Variants in PTPRG observed in about 807,000 individuals in gnomAD.
The protein encoded by PTPRG is protein tyrosine phosphatase receptor type G, also known as receptor-type tyrosine-protein phosphatase gamma.
PTPRG carries 102 observed loss-of-function variants against 165.3 expected under a neutral mutation model. The ratio of observed to expected loss-of-function variants is 0.62; its 90% CI spans 0.53 to 0.73. The LOEUF (loss-of-function observed/expected upper bound fraction) is 0.73, where lower values mean the gene tolerates loss of function less well. PTPRG is among the 30% of genes least tolerant of loss of function. The pLI, the probability that PTPRG is intolerant of heterozygous loss-of-function variation, is 0.00. For synonymous variants in PTPRG, 675 were observed against 669.5 expected (o/e 1.01, Z -0.13); for missense variants, 1,866 against 1,861.4 (o/e 1.00, Z -0.05).
intron 1 of PTPRG, 21 bp from the exon 2 acceptor site, chr3:61,748,857 G>C: frequency 6.2e-7 from 1 of 1,604,154 alleles, no homozygotes; most frequent in Non-Finnish European, 8.5e-7. Flanking sequence ...TTGTCTCATT[G>C]TGGGTTTTCC....
At chr3:62,012,071 T>C (rs965883671) in intron 4 of PTPRG, among the ~76,000 whole-genome samples, 7 of 152,214 alleles carry the variant, frequency 4.6e-5, no homozygotes, top group African/African-American at 1.7e-4. Flanking sequence ...AAGTCACTGA[T>C]ACTGGTGTTG....
chr3:62,047,912 T>TAA (rs1318830376), intron 4 of PTPRG, among the ~76,000 whole-genome samples: 2 of 152,172 alleles, frequency 1.3e-5, no homozygotes, highest in African/African-American at 2.4e-5. Context: ...CCAGCACAGT[T>TAA]ATTTAGCTCC....
At chr3:62,113,938 C>G (rs1461208660) in intron 5 of PTPRG, among the ~76,000 whole-genome samples, 1 of 152,142 alleles carries the variant, frequency 6.6e-6, no homozygotes. Context: ...ATAAAAAATA[C>G]TGATATGTTG....
At position 62,209,126 on chromosome 3, in the gene PTPRG, C is replaced by CT. The variant is rs1700299173; in HGVS notation, c.2155+5177dup. ...TTTAATGTGTGCTTTTAAAAAGAGA[C>CT]TAACTTTCCATTGGTGACAGTGGTT... is the stretch of plus-strand genomic sequence containing the variant. On this transcript the variant is annotated intron_variant, in intron 12 of 29. Transcript: ENST00000474889. 5.3e-5 allele frequency among the ~76,000 whole-genome samples: 8 copies of CT among 152,334 alleles called. 1 individual carries two copies. In the South Asian group the frequency reaches 1.7e-3, roughly 32 times the overall value.
intron 7 of PTPRG, among the ~76,000 whole-genome samples, chr3:62,162,239 G>GA (rs1314897127): frequency 6.6e-6 from 1 of 152,058 alleles, no homozygotes; most frequent in Non-Finnish European, 1.5e-5. Context: ...AAACTAAGTT[G>GA]AAATGATTTA....
intron 4 of PTPRG, among the ~76,000 whole-genome samples, chr3:62,042,903 G>A (rs2107805722): frequency 6.6e-6 from 1 of 152,286 alleles, no homozygotes; most frequent in Non-Finnish European, 1.5e-5. Context: ...GCACAGGATA[G>A]GAATTAGGGT....
At chr3:61,924,283 C>T (rs2039152627) in intron 2 of PTPRG, among the ~76,000 whole-genome samples, 1 of 152,172 alleles carries the variant, frequency 6.6e-6, no homozygotes, top group Admixed American at 6.5e-5. Context: ...GGGTCAGCTG[C>T]TTCTGGATAT....
intron 2 of PTPRG, among the ~76,000 whole-genome samples, chr3:61,945,127 G>C (rs757790330): frequency 1.1e-4 from 17 of 152,200 alleles, no homozygotes; most frequent in Admixed American, 3.9e-4. Context: ...CCATTGCACA[G>C]AATATCAGTA....
In PTPRG at chr3:62,192,393, C is replaced by CTTTTTT. The variant is rs71123255; in HGVS notation, c.1218+768_1218+773dup. 2.7e-3 allele frequency among the ~76,000 whole-genome samples: 143 copies of CTTTTTT among 52,644 alleles called. 14 individuals carry two copies. Among genetic ancestry groups the CTTTTTT allele is most frequent in the East Asian group, 5.5e-3 (7 of 1,268 alleles). The allele number at this position is 52,644 out of a possible 152,430, so 34.5% of individuals were successfully genotyped here. ...ATAAAGCAAACTCCACAACTACTGTCTTTTTTTTTTTTTTTTTTTTTTTTT... is the reference window on the plus strand; with the variant it reads ...ATAAAGCAAACTCCACAACTACTGTCTTTTTTTTTTTTTTTTTTTTTTTTTTTTTTT... On this transcript the variant is annotated intron_variant, in intron 9 of 29. Coordinates refer to ENST00000474889, the MANE Select transcript of PTPRG (RefSeq NM_002841.4).
intron 5 of PTPRG, among the ~76,000 whole-genome samples, chr3:62,080,900 T>C (rs1486230078): frequency 1.3e-5 from 2 of 152,106 alleles, no homozygotes; most frequent in Non-Finnish European, 2.9e-5. Context: ...ATTTGTTAGG[T>C]CCTTTTCTAA....
At chr3:62,285,549 C>G (rs924487193) in intron 28 of PTPRG, among the ~76,000 whole-genome samples, 3 of 148,164 alleles carry the variant, frequency 2.0e-5, no homozygotes, top group Non-Finnish European at 4.4e-5. Flanking sequence ...TCAGGTGTGT[C>G]CCAGGTGGAT....
intron 4 of PTPRG, among the ~76,000 whole-genome samples, chr3:62,063,579 CTAAA>C (rs1160597193): frequency 2.0e-5 from 3 of 152,130 alleles, no homozygotes; most frequent in African/African-American, 4.8e-5. Flanking sequence ...AATTATTAGT[CTAAA>C]TAAATACACT....
At chr3:62,023,591 C>A (rs577971867) in intron 4 of PTPRG, among the ~76,000 whole-genome samples, 1 of 152,164 alleles carries the variant, frequency 6.6e-6, no homozygotes, top group Non-Finnish European at 1.5e-5. Context: ...TTGTTTACTC[C>A]TAGACAAACA....
At chr3:61,613,468 G>A (rs1701229610) in intron 1 of PTPRG, among the ~76,000 whole-genome samples, 1 of 152,216 alleles carries the variant, frequency 6.6e-6, no homozygotes, top group Non-Finnish European at 1.5e-5. Context: ...GGGAATTTGT[G>A]TGTTTCTTAG....
At chr3:61,837,802 G>C (rs981247882) in intron 2 of PTPRG, among the ~76,000 whole-genome samples, 1 of 152,186 alleles carries the variant, frequency 6.6e-6, no homozygotes, top group Non-Finnish European at 1.5e-5. Flanking sequence ...ACAGAAATTT[G>C]CTTTCTTACA....
chr3:62,282,276 C>G (rs1238295591), intron 27 of PTPRG, among the ~76,000 whole-genome samples: 3 of 152,024 alleles, frequency 2.0e-5, no homozygotes, highest in Non-Finnish European at 2.9e-5. Flanking sequence ...AGGTCTCACT[C>G]ACAGTGGCAT....
intron 14 of PTPRG, among the ~76,000 whole-genome samples, chr3:62,238,876 C>G (rs1006857294): frequency 1.3e-5 from 2 of 152,108 alleles, no homozygotes; most frequent in Non-Finnish European, 2.9e-5. Context: ...AAGATATATG[C>G]TGCAAATTGT....
chr3:61,700,081 T>C (rs1175579517), intron 1 of PTPRG, among the ~76,000 whole-genome samples: 1 of 152,088 alleles, frequency 6.6e-6, no homozygotes, highest in African/African-American at 2.4e-5. Flanking sequence ...GATCCTTATA[T>C]AGTAAATGGG....
intron 2 of PTPRG, among the ~76,000 whole-genome samples, chr3:61,841,682 C>T (rs1375103947): frequency 6.6e-6 from 1 of 151,976 alleles, no homozygotes; most frequent in Non-Finnish European, 1.5e-5. Flanking sequence ...TGGCAATTTA[C>T]CAAGTGAAAT....
Sources: gnomAD v4.1 joint callset for allele counts (sites outside exome capture counted in the v4.1 genomes callset) on GRCh38, gnomAD v4.1.1 for gene constraint, MANE v1.5 for transcripts, NCBI Gene and HGNC (gene_info 2026-07-23, HGNC 2026-07-21) for gene names.